Variants in DACH1 observed in about 807,000 individuals in gnomAD.
DACH1 encodes the protein dachshund homolog 1.
A neutral mutation model predicts 54.2 loss-of-function variants in DACH1; 12 were observed. The observed-to-expected ratio is 0.22, with a 90% CI of 0.14 to 0.36. The LOEUF (loss-of-function observed/expected upper bound fraction) is 0.36, where lower values mean the gene tolerates loss of function less well. Ranked by LOEUF, DACH1 falls within the 10% of genes least tolerant of loss-of-function variation. The probability of loss-of-function intolerance (pLI) is 1.00; values close to 1 mark genes in which losing one functional copy is unlikely to be tolerated. For synonymous variants in DACH1, 386 were observed against 366.2 expected (o/e 1.05, Z -0.62); for missense variants, 805 against 929.8 (o/e 0.87, Z 1.75).
Position 71,817,889 on chromosome 13 carries a change from A to T in DACH1, c.848+48033T>A, listed in dbSNP as rs558869283. 2.0e-4 allele frequency among the ~76,000 whole-genome samples: 28 copies of T among 137,978 alleles called. 1 individual carries two copies. In the South Asian group the frequency reaches 2.5e-3, roughly 12 times the overall value. 90.5% of individuals were successfully genotyped at this position (137,978 alleles called of 152,430 possible). A position where few individuals can be genotyped will look rare whatever the true frequency, so the allele number is the denominator to read the frequency against. ...GAGTGCACTGGCATGATCTCGGCTCACTGCAACCTCTGCCTCCCAGGTTCA... is the reference window on the plus strand; with the variant it reads ...GAGTGCACTGGCATGATCTCGGCTCTCTGCAACCTCTGCCTCCCAGGTTCA... On this transcript the variant is annotated intron_variant, in intron 1 of 10. Transcript: ENST00000613252.
intron 6 of DACH1, among the ~76,000 whole-genome samples, chr13:71,515,794 A>G (rs952971375): frequency 1.3e-5 from 2 of 151,938 alleles, no homozygotes; most frequent in African/African-American, 4.8e-5. Context: ...TGATGACATC[A>G]TATCCTATCC....
intron 2 of DACH1, among the ~76,000 whole-genome samples, chr13:71,660,898 T>C (rs1879440092): frequency 6.6e-6 from 1 of 151,016 alleles, no homozygotes; most frequent in Non-Finnish European, 1.5e-5. Context: ...AAGTTTAAAA[T>C]GACATCAAAT....
At chr13:71,831,698 T>A (rs1173127947) in intron 1 of DACH1, among the ~76,000 whole-genome samples, 1 of 152,028 alleles carries the variant, frequency 6.6e-6, no homozygotes, top group East Asian at 1.9e-4. Flanking sequence ...TTTAAGTACT[T>A]TCTGATTCAT....
intron 1 of DACH1, among the ~76,000 whole-genome samples, chr13:71,819,146 T>C (rs1359938270): frequency 1.3e-5 from 2 of 152,084 alleles, no homozygotes. Context: ...GCTGAAGCTA[T>C]AGGAAAGTCT....
chr13:71,804,289 G>T (rs303932), intron 1 of DACH1, among the ~76,000 whole-genome samples: 13 of 151,912 alleles, frequency 8.6e-5, no homozygotes, highest in Non-Finnish European at 1.8e-4. Context: ...CTCCAGCCTC[G>T]GCAACAGGGT....
Position 71,470,737 on chromosome 13 carries a change from G to A in DACH1, c.2083+4404C>T, listed in dbSNP as rs79698104. 9.1e-4 allele frequency among the ~76,000 whole-genome samples: 138 copies of A among 152,218 alleles called. 1 individual carries two copies. Among genetic ancestry groups the A allele is most frequent in the African/African-American group, 3.2e-3 (134 of 41,528 alleles). On this transcript the variant is annotated intron_variant, in intron 10 of 10. Coordinates refer to ENST00000613252, the MANE Select transcript of DACH1 (RefSeq NM_080759.6). The stretch of plus-strand genomic sequence containing the variant: ...CTTCATATCCACAAGATCTAACATA[G>A]GTCCTAATTCCTCGATGGCTGATTC...
chr13:71,558,624 A>C (rs959014438), intron 5 of DACH1, among the ~76,000 whole-genome samples: 10 of 152,130 alleles, frequency 6.6e-5, no homozygotes, highest in African/African-American at 2.4e-4. Context: ...GTGTCAACAT[A>C]CCATAAAAAT....
chr13:71,659,165 G>A (rs1261953180), intron 2 of DACH1, among the ~76,000 whole-genome samples: 1 of 152,100 alleles, frequency 6.6e-6, no homozygotes, highest in Non-Finnish European at 1.5e-5. Context: ...AATGAATACT[G>A]AGAGGAAACA....
At chr13:71,454,606 T>A (rs140614949) in intron 10 of DACH1, among the ~76,000 whole-genome samples, 296 of 152,332 alleles carry the variant, frequency 1.9e-3, no homozygotes, top group African/African-American at 6.6e-3. Flanking sequence ...GAGTACCGTG[T>A]GGCAAGGAAC....
intron 6 of DACH1, among the ~76,000 whole-genome samples, chr13:71,544,952 A>G (rs1296194564): frequency 1.3e-5 from 2 of 152,042 alleles, no homozygotes; most frequent in Admixed American, 1.3e-4. Flanking sequence ...CCTGGCTTCT[A>G]CTAAGCCCTA....
chr13:71,575,138 T>C (rs891179733), intron 3 of DACH1, among the ~76,000 whole-genome samples: 2 of 152,040 alleles, frequency 1.3e-5, no homozygotes, highest in African/African-American at 2.4e-5. Flanking sequence ...TGATTCAGCA[T>C]TGATTTTACC....
intron 1 of DACH1, among the ~76,000 whole-genome samples, chr13:71,758,970 C>T (rs1885286548): frequency 6.6e-6 from 1 of 151,122 alleles, no homozygotes; most frequent in Non-Finnish European, 1.5e-5. Context: ...AAATTCTCAC[C>T]TTGCTCTGCC....
chr13:71,563,996 A>G (rs1884755748), intron 4 of DACH1, among the ~76,000 whole-genome samples: 1 of 151,988 alleles, frequency 6.6e-6, no homozygotes, highest in African/African-American at 2.4e-5. Context: ...GAAGAATTTC[A>G]TTAAAGTAAA....
intron 2 of DACH1, among the ~76,000 whole-genome samples, chr13:71,636,923 A>AT (rs1024787107): frequency 9.9e-5 from 15 of 152,138 alleles, no homozygotes; most frequent in African/African-American, 2.6e-4. Context: ...TAAATTATAG[A>AT]TTTTTTTTAA....
At chr13:71,708,719 G>A (rs1380907963) in intron 1 of DACH1, among the ~76,000 whole-genome samples, 1 of 151,950 alleles carries the variant, frequency 6.6e-6, no homozygotes, top group East Asian at 1.9e-4. Flanking sequence ...ATTCAGATAA[G>A]CAAGCTAATA....
At chr13:71,554,041 C>T (rs1327167590) in intron 6 of DACH1, among the ~76,000 whole-genome samples, 2 of 152,038 alleles carry the variant, frequency 1.3e-5, no homozygotes, top group East Asian at 1.9e-4. Context: ...ATTAATTTCT[C>T]CACAAATATC....
chr13:71,657,416 CA>C (rs1879187948), intron 2 of DACH1, among the ~76,000 whole-genome samples: 1 of 151,584 alleles, frequency 6.6e-6, no homozygotes, highest in Non-Finnish European at 1.5e-5. Flanking sequence ...TGCTAGAGCC[CA>C]AAAGGTCAGG....
intron 1 of DACH1, among the ~76,000 whole-genome samples, chr13:71,833,080 C>T (rs1888655925): frequency 2.0e-5 from 3 of 151,828 alleles, no homozygotes; most frequent in African/African-American, 4.8e-5. Context: ...GTGAATAGAA[C>T]GTTTTGAAAG....
chr13:71,864,173 G>GCA (rs1260688795), intron 1 of DACH1, among the ~76,000 whole-genome samples: 1 of 105,850 alleles, frequency 9.4e-6, no homozygotes, highest in African/African-American at 4.8e-5. Context: ...GAGCGCGCGC[G>GCA]CGCACATACA....
Sources: gnomAD v4.1 joint callset for allele counts (sites outside exome capture counted in the v4.1 genomes callset) on GRCh38, gnomAD v4.1.1 for gene constraint, MANE v1.5 for transcripts, NCBI Gene and HGNC (gene_info 2026-07-23, HGNC 2026-07-21) for gene names.